PDE1A: variants seen among roughly 807,000 people sequenced by gnomAD.
The protein encoded by PDE1A is phosphodiesterase 1A, also known as dual specificity calcium/calmodulin-dependent 3',5'-cyclic nucleotide phosphodiesterase 1A.
A neutral mutation model predicts 61.7 loss-of-function variants in PDE1A; 35 were observed. The ratio of observed to expected loss-of-function variants is 0.57; its 90% CI spans 0.43 to 0.75. The LOEUF is 0.75. PDE1A is among the 30% of genes least tolerant of loss of function. PDE1A has a pLI of 0.00. For synonymous variants in PDE1A, 232 were observed against 213.2 expected (o/e 1.09, Z -0.77); for missense variants, 597 against 630.6 (o/e 0.95, Z 0.57).
chr2:182,684,318 A>T, the PDE1A span, among the ~76,000 whole-genome samples: 1 of 152,146 alleles, frequency 6.6e-6, no homozygotes, highest in South Asian at 2.1e-4. Flanking sequence ...TATATATAGT[A>T]TACATTTTAT....
chr2:182,328,546 T>A (rs1191829570), intron 1 of PDE1A, among the ~76,000 whole-genome samples: 1 of 152,118 alleles, frequency 6.6e-6, no homozygotes, highest in Non-Finnish European at 1.5e-5. Flanking sequence ...TGATCAAGAA[T>A]TTTTGGAGTT....
chr2:182,208,087 G>A (rs1574697640), intron 7 of PDE1A, among the ~76,000 whole-genome samples: 2 of 152,320 alleles, frequency 1.3e-5, no homozygotes, highest in East Asian at 1.9e-4. Flanking sequence ...ACCTCTAGTA[G>A]GGCAGTGTGG....
intron 2 of PDE1A, among the ~76,000 whole-genome samples, chr2:182,514,343 T>C (rs1470451986): frequency 6.6e-6 from 1 of 152,148 alleles, no homozygotes; most frequent in Non-Finnish European, 1.5e-5. Flanking sequence ...AAAATTTATA[T>C]TGAATCAAAA....
intron 1 of PDE1A, among the ~76,000 whole-genome samples, chr2:182,268,757 G>A (rs1026207966): frequency 2.6e-5 from 4 of 151,894 alleles, no homozygotes; most frequent in South Asian, 2.1e-4. Flanking sequence ...GTTACCAGGC[G>A]TATCTGAGAT....
intron 1 of PDE1A, among the ~76,000 whole-genome samples, chr2:182,337,043 A>G (rs957863191): frequency 6.6e-6 from 1 of 152,208 alleles, no homozygotes; most frequent in Non-Finnish European, 1.5e-5. Flanking sequence ...TAAAATACAC[A>G]TATAAAATAG....
At chr2:182,160,239 G>C (rs920370281) in intron 13 of PDE1A, among the ~76,000 whole-genome samples, 2 of 152,036 alleles carry the variant, frequency 1.3e-5, no homozygotes, top group African/African-American at 4.8e-5. Flanking sequence ...TTATGTTTTT[G>C]GCTTTTCTTA....
chr2:182,185,912 C>A, exon 13 of PDE1A: 2 of 1,613,988 alleles, frequency 1.2e-6, no homozygotes, highest in Non-Finnish European at 1.7e-6. Context: ...TAACTCTTTC[C>A]ACCTCTCTTT....
the PDE1A span, among the ~76,000 whole-genome samples, chr2:182,560,862 C>T: frequency 2.0e-5 from 3 of 152,210 alleles, no homozygotes; most frequent in South Asian, 6.2e-4. Flanking sequence ...TAAATGTCTT[C>T]TGAGAAGTGT....
intron 1 of PDE1A, among the ~76,000 whole-genome samples, chr2:182,385,490 A>G (rs1010692265): frequency 6.6e-6 from 1 of 152,072 alleles, no homozygotes; most frequent in African/African-American, 2.4e-5. Flanking sequence ...ATTGGCTTAA[A>G]AGAAAGTTAT....
chr2:182,262,817 A>G (rs1368301848), intron 2 of PDE1A, among the ~76,000 whole-genome samples: 1 of 152,224 alleles, frequency 6.6e-6, no homozygotes, highest in East Asian at 1.9e-4. Flanking sequence ...CTTCCATGAA[A>G]GGATGAGGCA....
chr2:182,249,490 G>A (rs1294056513), intron 2 of PDE1A, among the ~76,000 whole-genome samples: 2 of 152,198 alleles, frequency 1.3e-5, no homozygotes, highest in South Asian at 2.1e-4. Flanking sequence ...CCCCTGAAGT[G>A]GGGAATCATG....
At chr2:182,623,639 A>T in the PDE1A span, among the ~76,000 whole-genome samples, 2 of 152,182 alleles carry the variant, frequency 1.3e-5, no homozygotes, top group Non-Finnish European at 2.9e-5. Context: ...GAGCCTTAGG[A>T]GTGGAGGGCA....
At chr2:182,481,036 T>C (rs1347528503) in intron 2 of PDE1A, among the ~76,000 whole-genome samples, 1 of 151,904 alleles carries the variant, frequency 6.6e-6, no homozygotes, top group Admixed American at 6.6e-5. Context: ...ATTCTTGCAC[T>C]TCGAGTTTGC....
At chr2:182,542,063 AT>A in the PDE1A span, among the ~76,000 whole-genome samples, 1 of 152,178 alleles carries the variant, frequency 6.6e-6, no homozygotes, top group Non-Finnish European at 1.5e-5. Context: ...TTTGCTGAAA[AT>A]ATCTCAATTA....
intron 2 of PDE1A, chr2:182,241,710 A>G: frequency 1.5e-6 from 1 of 682,808 alleles, no homozygotes; most frequent in East Asian, 3.1e-5. Context: ...CTTATAAAAA[A>G]TAAACATAAG....
chr2:182,179,735 A>T (rs1352214041), intron 13 of PDE1A, among the ~76,000 whole-genome samples: 1 of 152,028 alleles, frequency 6.6e-6, no homozygotes, highest in Non-Finnish European at 1.5e-5. Flanking sequence ...CCTACTGCAG[A>T]TAATCATTTG....
At chr2:182,193,478 A>G (rs1270326178) in intron 10 of PDE1A, among the ~76,000 whole-genome samples, 1 of 151,966 alleles carries the variant, frequency 6.6e-6, no homozygotes, top group Non-Finnish European at 1.5e-5. Context: ...GAGACATTCT[A>G]AGGCTGAGGG....
At chr2:182,610,702 C>T in the PDE1A span, among the ~76,000 whole-genome samples, 1 of 151,700 alleles carries the variant, frequency 6.6e-6, no homozygotes, top group African/African-American at 2.4e-5. Context: ...CAGACAAAAG[C>T]AATAGCTCAA....
chr2:182,548,674 T>G, the PDE1A span, among the ~76,000 whole-genome samples: 16 of 152,296 alleles, frequency 1.1e-4, no homozygotes, highest in South Asian at 8.3e-4. Flanking sequence ...TTTTCTCCCA[T>G]TGCCTAAACC....
Sources: allele counts gnomAD v4.1 joint callset (sites outside exome capture counted in the v4.1 genomes callset), GRCh38; gene constraint gnomAD v4.1.1; transcripts MANE v1.5; gene names NCBI Gene and HGNC (gene_info 2026-07-23, HGNC 2026-07-21).